The following TCP1 variants were observed in gnomAD, a reference collection of about 807,000 sequenced individuals.
TCP1 encodes T-complex protein 1 subunit alpha.
In TCP1, 6 loss-of-function variants were observed where a neutral mutation model predicts 54.7. The observed-to-expected ratio is 0.11, with a 90% CI of 0.06 to 0.22. The LOEUF is 0.22. TCP1 is among the 10% of genes least tolerant of loss of function. The pLI is 1.00. For synonymous variants in TCP1, 225 were observed against 229.7 expected, an observed-to-expected ratio of 0.98 and a Z score of 0.19; for missense variants, 511 against 678.2, an observed-to-expected ratio of 0.75 and a Z score of 2.74.
Position 159,779,969 on chromosome 6 carries a change from T to C in TCP1, c.1216A>G (p.Lys406Glu). ...GCACCCCCACCGGGAACCACAGATTTTGACTCCAAAACTCTCTTCACTACA... is the reference window on the plus strand; with the variant it reads ...GCACCCCCACCGGGAACCACAGATTCTGACTCCAAAACTCTCTTCACTACA... ...LCVVKRVLES[K>E]SVVPGGGAVE... Residue 406 changes from lysine (K) to glutamate (E), a missense_variant, in exon 10 of 12, where the codon AAA becomes GAA. Physicochemically the swap from Lys to Glu is moderately conservative, Grantham distance 56. This residue lies in a region of TCP1 where 305 missense variants were observed against 352.8 expected (regional missense o/e 0.86). Transcript: ENST00000321394. 3 of 1,614,086 alleles carry C rather than the reference T, an allele frequency of 1.9e-6. No homozygotes were observed. The highest frequency in any genetic ancestry group is 2.5e-6 in the Non-Finnish European group (3 of 1,180,012).
At position 159,789,501 on chromosome 6, in the gene TCP1, T is replaced by C. The variant is rs1205797963; in HGVS notation, c.-33A>G. On this transcript the variant is annotated 5_prime_UTR_variant, in exon 1 of 12. Coordinates refer to ENST00000321394, the MANE Select transcript of TCP1 (RefSeq NM_030752.3). ...GCAGCGATACACGTCGAATTCTGCT[T>C]ACACCGCGGGCAACCAGTATCGCGG... 6.2e-7 allele frequency: 1 copy of C among 1,613,420 alleles called. No homozygotes were observed. The highest frequency in any genetic ancestry group is 1.7e-5 in the Admixed American group (1 of 60,022).
At position 159,787,736 on chromosome 6, in the gene TCP1, T is replaced by C. The variant is rs550675769; in HGVS notation, c.279+7A>G. 2.5e-6 allele frequency: 4 copies of C among 1,610,904 alleles called. No individual in the cohort carries two copies. The highest frequency in any genetic ancestry group is 3.4e-6 in the Non-Finnish European group (4 of 1,178,786). Reference sequence around the variant, plus strand: ...AAAAATGATCATTCTTTAGCCAGTCTACCTACCACTGAAGTAGTTCCATCT... The same window carrying C: ...AAAAATGATCATTCTTTAGCCAGTCCACCTACCACTGAAGTAGTTCCATCT... On this transcript the variant is annotated splice_region_variant and intron_variant, in intron 3 of 11. Coordinates refer to ENST00000321394, the MANE Select transcript of TCP1 (RefSeq NM_030752.3).
intron 7 of TCP1, among the ~76,000 whole-genome samples, chr6:159,783,000 GAAGAA>G (rs1308880197): frequency 6.6e-6 from 1 of 152,218 alleles, no homozygotes; most frequent in Non-Finnish European, 1.5e-5. Flanking sequence ...AAAGGGATGA[GAAGAA>G]AAGCACCAGA....
chr6:159,786,650 A>G (rs1186010871), intron 3 of TCP1, among the ~76,000 whole-genome samples: 1 of 152,264 alleles, frequency 6.6e-6, no homozygotes, highest in Non-Finnish European at 1.5e-5. Flanking sequence ...CATTTGTTAA[A>G]TCACATTATC....
intron 3 of TCP1, 82 bp from the exon 4 acceptor site, chr6:159,786,079 T>G: frequency 8.3e-6 from 9 of 1,090,626 alleles, no homozygotes; most frequent in Non-Finnish European, 1.2e-5. Context: ...AAAATGGCCA[T>G]ATATTATTAA....
chr6:159,789,141 T>G, intron 1 of TCP1: 2 of 457,346 alleles, frequency 4.4e-6, no homozygotes, highest in Non-Finnish European at 7.8e-6. Flanking sequence ...GGAGGGCGCG[T>G]TTCCAACGCC....
At position 159,779,273 on chromosome 6, in the gene TCP1, A is replaced by G. The variant is rs554587094; in HGVS notation, c.1455-12T>C. ...AATCAAGACCAATCCTGCAATTAAG[A>G]AAGAATTATTTAACGGCCGCTTACA... On this transcript the variant is annotated splice_polypyrimidine_tract_variant and intron_variant, in intron 11 of 11. Coordinates refer to ENST00000321394, the MANE Select transcript of TCP1 (RefSeq NM_030752.3). 5.6e-6 allele frequency: 9 copies of G among 1,609,102 alleles called. No individual in the cohort carries two copies. The highest frequency in any genetic ancestry group is 4.5e-5 in the East Asian group (2 of 44,836).
chr6:159,782,438 T>C (rs143848659), intron 7 of TCP1, among the ~76,000 whole-genome samples: 1 of 152,282 alleles, frequency 6.6e-6, no homozygotes, highest in African/African-American at 2.4e-5. Flanking sequence ...GAAAAGCTTC[T>C]CTAAGAGACT....
At chr6:159,783,012 C>G (rs1780612173) in intron 7 of TCP1, among the ~76,000 whole-genome samples, 1 of 152,178 alleles carries the variant, frequency 6.6e-6, no homozygotes, top group African/African-American at 2.4e-5. Context: ...AGAAAAGCAC[C>G]AGAGAAGTTT....
intron 7 of TCP1, 150 bp downstream of exon 7, chr6:159,783,791 G>T: frequency 9.9e-7 from 1 of 1,010,020 alleles, no homozygotes; most frequent in Non-Finnish European, 1.4e-6. Context: ...CAAAAAGGCC[G>T]ATTTTCATAT....
chr6:159,787,344 G>A (rs1780723785), intron 3 of TCP1, among the ~76,000 whole-genome samples: 1 of 152,144 alleles, frequency 6.6e-6, no homozygotes, highest in South Asian at 2.1e-4. Context: ...AGTCTCAAGG[G>A]GTGATGGGGG....
At chr6:159,784,934 C>G in intron 5 of TCP1, 87 bp from the exon 6 acceptor site, 1 of 1,303,410 alleles carries the variant, frequency 7.7e-7, no homozygotes, top group Admixed American at 1.9e-5. Flanking sequence ...AAGGGACTTC[C>G]TTTTAGTAAT....
At chr6:159,785,245 T>C (rs1780666506) in intron 5 of TCP1, 141 bp downstream of exon 5, 2 of 678,076 alleles carry the variant, frequency 2.9e-6, no homozygotes, top group Non-Finnish European at 5.1e-6. Context: ...GTTGCCCACA[T>C]TGGACTGGCA....
rs150401118 is a variant in TCP1 at position 159,787,689 on chromosome 6, T to C, written c.279+54A>G. 142 of 1,585,512 alleles carry C rather than the reference T, an allele frequency of 9.0e-5. No individual in the cohort carries two copies. The African/African-American group carries it at 1.7e-3, about 18-fold the overall frequency. Reference sequence around the variant, plus strand: ...AATGACCCACTTATGGCTTCAACTTTCTGAAAGTCGGTCGTTTTTAGAAAA... The same window carrying C: ...AATGACCCACTTATGGCTTCAACTTCCTGAAAGTCGGTCGTTTTTAGAAAA... On this transcript the variant is annotated intron_variant, in intron 3 of 11. Coordinates refer to ENST00000321394, the MANE Select transcript of TCP1 (RefSeq NM_030752.3).
At position 159,779,245 on chromosome 6, in the gene TCP1, T is replaced by C; in HGVS notation, c.1471A>G (p.Ser491Gly). The change falls in exon 12 of 12, where the codon AGC becomes GGC. Residue 491 changes from serine (S) to glycine (G), a missense_variant. Around this residue, in one of 5 missense-constraint regions of TCP1, gnomAD observed 88 missense variants for 153.1 expected, o/e 0.57. Transcript: ENST00000321394. Reference sequence around the variant, plus strand: ...TTGTTGTCTCGAGGTTTACCATTGCTCAAATCAAGACCAATCCTGCAATTA... The same window carrying C: ...TTGTTGTCTCGAGGTTTACCATTGCCCAAATCAAGACCAATCCTGCAATTA... ...KNLKWIGLDL[S>G]NGKPRDNKQA... is the part of the protein sequence containing the mutation. 6.2e-7 allele frequency: 1 copy of C among 1,613,860 alleles called. No individual in the cohort carries two copies. The highest frequency in any genetic ancestry group is 8.5e-7 in the Non-Finnish European group (1 of 1,179,774).
At chr6:159,784,559 C>T in intron 6 of TCP1, 107 bp downstream of exon 6, 1 of 1,196,228 alleles carries the variant, frequency 8.4e-7, no homozygotes, top group Non-Finnish European at 1.2e-6. Context: ...CTGACTCAGC[C>T]TCCCAAAGTG....
At chr6:159,782,290 C>A (rs1780595265) in intron 7 of TCP1, among the ~76,000 whole-genome samples, 2 of 152,142 alleles carry the variant, frequency 1.3e-5, no homozygotes, top group Non-Finnish European at 2.9e-5. Context: ...ACAGATCAAC[C>A]TCAAAAGCAG....
chr6:159,780,983 T>C lies in TCP1; in HGVS notation c.925A>G (p.Arg309Gly). The C allele has an allele frequency of 2.5e-6, 4 of 1,612,910 alleles. No homozygotes were observed. Among genetic ancestry groups the C allele is most frequent in the Non-Finnish European group, 3.4e-6 (4 of 1,179,644 alleles). Residue 309 changes from arginine (R) to glycine (G), a missense_variant, in exon 8 of 12, where the codon AGA (arginine) becomes GGA (glycine). Arg to Gly is a moderately radical substitution (Grantham distance 125). This residue lies in a region of TCP1 where 305 missense variants were observed against 352.8 expected (regional missense o/e 0.86). Coordinates refer to ENST00000321394, the MANE Select transcript of TCP1 (RefSeq NM_030752.3). ...YFVEAGAMAV[R>G]RVLKRDLKRI... ...TTAAGGTCCCTTTTTAAAACTCTTC[T>C]AACTGCCATAGCACCAGCCTCCACA... is the stretch of plus-strand genomic sequence containing the variant.
At chr6:159,781,181 T>G in intron 7 of TCP1, 71 bp from the exon 8 acceptor site, 2 of 1,275,676 alleles carry the variant, frequency 1.6e-6, no homozygotes, top group East Asian at 2.5e-5. Flanking sequence ...CATTAAGTAT[T>G]TATCACAAGA....
Sources: allele counts gnomAD v4.1 joint callset (sites outside exome capture counted in the v4.1 genomes callset), GRCh38; gene constraint gnomAD v4.1.1; regional missense constraint gnomAD v4.1.1; transcripts MANE v1.5; gene names NCBI Gene and HGNC (gene_info 2026-07-23, HGNC 2026-07-21).